Variants in CNTNAP2 observed in about 807,000 individuals in gnomAD.
The protein encoded by CNTNAP2 is contactin associated protein 2.
Under a neutral mutation model 155.2 loss-of-function variants are expected in CNTNAP2, and 98 were observed. That is an observed-to-expected ratio of 0.63 (90% CI 0.54 to 0.75). The LOEUF is 0.75. CNTNAP2 is among the 30% of genes least tolerant of loss of function. The pLI is 0.00. For synonymous variants in CNTNAP2, 651 were observed against 631.2 expected (o/e 1.03, Z -0.47); for missense variants, 1,727 against 1,688.1 (o/e 1.02, Z -0.40).
intron 22 of CNTNAP2, among the ~76,000 whole-genome samples, chr7:148,408,665 G>A (rs901361460): frequency 1.3e-5 from 2 of 152,230 alleles, no homozygotes; most frequent in African/African-American, 4.8e-5. Flanking sequence ...ACCAACAAAT[G>A]TGAATTGTTT....
chr7:147,999,936 C>T (rs896213660), intron 15 of CNTNAP2, among the ~76,000 whole-genome samples: 7 of 152,152 alleles, frequency 4.6e-5, no homozygotes, highest in Non-Finnish European at 1.0e-4. Flanking sequence ...TGGATTTCTA[C>T]CCCCAGTACT....
intron 13 of CNTNAP2, among the ~76,000 whole-genome samples, chr7:147,776,742 T>C (rs1052173610): frequency 6.6e-6 from 1 of 152,138 alleles, no homozygotes; most frequent in Non-Finnish European, 1.5e-5. Flanking sequence ...ATACTTATCC[T>C]TAAATAACAC....
At chr7:146,333,906 G>A (rs894290935) in intron 1 of CNTNAP2, among the ~76,000 whole-genome samples, 1 of 152,086 alleles carries the variant, frequency 6.6e-6, no homozygotes, top group Non-Finnish European at 1.5e-5. Flanking sequence ...GGTCAGTCCT[G>A]GAATAAATGC....
At chr7:147,807,091 C>T (rs851667) in intron 13 of CNTNAP2, among the ~76,000 whole-genome samples, 8,129 of 151,872 alleles carry the variant, frequency 0.054, 651 homozygotes, top group African/African-American at 0.18. Flanking sequence ...GTGGGAGAAT[C>T]GCTTGAACCC....
At chr7:147,596,181 T>C (rs576621946) in intron 12 of CNTNAP2, among the ~76,000 whole-genome samples, 1 of 152,318 alleles carries the variant, frequency 6.6e-6, no homozygotes, top group African/African-American at 2.4e-5. Context: ...CTTTCATTAT[T>C]CATTTAGACA....
At chr7:147,604,060 C>G (rs572258935) in intron 12 of CNTNAP2, among the ~76,000 whole-genome samples, 4 of 152,124 alleles carry the variant, frequency 2.6e-5, no homozygotes, top group African/African-American at 9.7e-5. Flanking sequence ...ACACCTTATA[C>G]AAAAATTAAT....
intron 18 of CNTNAP2, among the ~76,000 whole-genome samples, chr7:148,179,347 G>C (rs763162840): frequency 6.6e-6 from 1 of 152,026 alleles, no homozygotes; most frequent in Non-Finnish European, 1.5e-5. Context: ...TGTCTCTACA[G>C]AAAGACAAAA....
intron 15 of CNTNAP2, among the ~76,000 whole-genome samples, chr7:148,023,258 C>T (rs1802317358): frequency 6.6e-6 from 1 of 152,128 alleles, no homozygotes; most frequent in Non-Finnish European, 1.5e-5. Flanking sequence ...ATAATCAAAG[C>T]TAACTGTGTT....
chr7:147,164,875 G>A (rs755001233), intron 8 of CNTNAP2, among the ~76,000 whole-genome samples: 40 of 152,164 alleles, frequency 2.6e-4, no homozygotes, highest in Non-Finnish European at 5.3e-4. Flanking sequence ...CCCAATGCTT[G>A]AGAAGAAAAT....
At chr7:147,046,758 G>C (rs539359924) in intron 4 of CNTNAP2, among the ~76,000 whole-genome samples, 1 of 152,106 alleles carries the variant, frequency 6.6e-6, no homozygotes, top group Admixed American at 6.5e-5. Context: ...GGCCGGGCGC[G>C]GTGGCTCACA....
intron 13 of CNTNAP2, among the ~76,000 whole-genome samples, chr7:147,705,897 A>G (rs995111358): frequency 5.4e-4 from 82 of 152,006 alleles, no homozygotes; most frequent in African/African-American, 1.9e-3. Context: ...TTCCATTTAC[A>G]TGGAATCTCT....
chr7:146,875,670 T>C (rs1395606377), intron 3 of CNTNAP2, among the ~76,000 whole-genome samples: 2 of 136,878 alleles, frequency 1.5e-5, no homozygotes, highest in Non-Finnish European at 3.1e-5. Flanking sequence ...CAGTTTGCTT[T>C]TGGCGGGGGG....
chr7:148,006,923 T>C (rs1261488422), intron 15 of CNTNAP2, among the ~76,000 whole-genome samples: 5 of 152,192 alleles, frequency 3.3e-5, no homozygotes, highest in African/African-American at 4.8e-5. Flanking sequence ...ATATAGAACA[T>C]TCTAGCAAAT....
Position 147,633,191 on chromosome 7 carries a change from T to C in CNTNAP2, c.1898-5915T>C, listed in dbSNP as rs2116913577. Among the ~76,000 whole-genome samples the C allele has an allele frequency of 2.0e-5, 3 of 152,330 alleles. 1 individual carries two copies. The Middle Eastern group carries it at 0.01, about 518-fold the overall frequency. On this transcript the variant is annotated intron_variant, in intron 12 of 23. Coordinates refer to ENST00000361727, the MANE Select transcript of CNTNAP2 (RefSeq NM_014141.6). ...TGGCTAAAAGGGGTCAAGGAACAGC[T>C]CAAGCCATTGCTTCAGAGGATGCAA...
intron 9 of CNTNAP2, among the ~76,000 whole-genome samples, chr7:147,363,170 C>T (rs1464219452): frequency 1.3e-5 from 2 of 152,008 alleles, no homozygotes; most frequent in Admixed American, 6.5e-5. Flanking sequence ...GAGTGTGGTC[C>T]TCATGATGGG....
At chr7:147,219,448 G>A (rs969487435) in intron 8 of CNTNAP2, among the ~76,000 whole-genome samples, 1 of 152,162 alleles carries the variant, frequency 6.6e-6, no homozygotes, top group Non-Finnish European at 1.5e-5. Flanking sequence ...AGAACTTGGA[G>A]TCTGATGTTC....
intron 3 of CNTNAP2, among the ~76,000 whole-genome samples, chr7:146,869,566 A>G (rs1795267207): frequency 6.6e-6 from 1 of 152,170 alleles, no homozygotes; most frequent in Non-Finnish European, 1.5e-5. Context: ...CAAGGAAGCC[A>G]GTAGTGGCTC....
At chr7:148,167,836 T>C (rs1215744714) in intron 17 of CNTNAP2, among the ~76,000 whole-genome samples, 1 of 151,784 alleles carries the variant, frequency 6.6e-6, no homozygotes, top group Middle Eastern at 3.2e-3. Flanking sequence ...ACCTAAGAAG[T>C]CCAAAGACCC....
At chr7:146,629,359 T>A (rs1377375950) in intron 1 of CNTNAP2, among the ~76,000 whole-genome samples, 1 of 152,182 alleles carries the variant, frequency 6.6e-6, no homozygotes, top group Non-Finnish European at 1.5e-5. Context: ...TTCTAAAACT[T>A]GTGCAGGAAG....
Sources: allele counts gnomAD v4.1 joint callset (sites outside exome capture counted in the v4.1 genomes callset), GRCh38; gene constraint gnomAD v4.1.1; transcripts MANE v1.5; gene names NCBI Gene and HGNC (gene_info 2026-07-23, HGNC 2026-07-21).